LHFPL3: variants seen among roughly 807,000 people sequenced by gnomAD.
LHFPL3 encodes the protein LHFPL tetraspan subfamily member 3, also known as LHFPL tetraspan subfamily member 3 protein.
A neutral mutation model predicts 19.3 loss-of-function variants in LHFPL3; 5 were observed. That is an observed-to-expected ratio of 0.26 (90% confidence interval 0.14 to 0.54). LHFPL3 has a LOEUF of 0.54. Ranked by LOEUF, LHFPL3 falls within the 20% of genes least tolerant of loss-of-function variation. The pLI is 0.94. For synonymous variants in LHFPL3, 133 were observed against 126.2 expected (o/e 1.05, Z -0.36); for missense variants, 249 against 307.4 (o/e 0.81, Z 1.42).
At chr7:104,738,775 GTC>G (rs1468688782) in intron 2 of LHFPL3, 1 of 152,150 alleles carries the variant, frequency 6.6e-6, no homozygotes, top group Non-Finnish European at 1.5e-5. Context: ...ATAGGTTGAT[GTC>G]TGATCCTTTC....
At position 104,549,448 on chromosome 7, in the gene LHFPL3, A is replaced by AACACACACACAC. The variant is rs61148155; in HGVS notation, c.446-187196_446-187185dup. On this transcript the variant is annotated intron_variant, in intron 1 of 2. Transcript: ENST00000424859. ...TCCTTTTGGCACATGCCCTTAACCC[A>AACACACACACAC]ACACACACACACACACACACACACA... is the stretch of plus-strand genomic sequence containing the variant. Among the ~76,000 whole-genome samples the AACACACACACAC allele has an allele frequency of 5.2e-3, 730 of 140,312 alleles. 5 individuals are homozygous for AACACACACACAC. Among genetic ancestry groups the AACACACACACAC allele is most frequent in the South Asian group, 0.016 (63 of 3,886 alleles). The allele number at this position is 140,312 out of a possible 152,430, so 92.1% of individuals were successfully genotyped here.
chr7:104,900,457 C>G (rs1254297133), intron 2 of LHFPL3, among the ~76,000 whole-genome samples: 2 of 152,240 alleles, frequency 1.3e-5, no homozygotes, highest in African/African-American at 2.4e-5. Flanking sequence ...ACAGAATTAT[C>G]AAGGCCTGAC....
intron 1 of LHFPL3, among the ~76,000 whole-genome samples, chr7:104,422,113 C>A (rs955844970): frequency 6.6e-6 from 1 of 152,210 alleles, no homozygotes; most frequent in Non-Finnish European, 1.5e-5. Context: ...GTAATCCCAG[C>A]ACTTTGGGAG....
At chr7:104,670,894 A>G (rs1342430600) in intron 1 of LHFPL3, among the ~76,000 whole-genome samples, 1 of 150,118 alleles carries the variant, frequency 6.7e-6, no homozygotes, top group African/African-American at 2.5e-5. Flanking sequence ...TTCCCTTGAG[A>G]GAATAAACGG....
chr7:104,362,806 G>A (rs1204373377), intron 1 of LHFPL3, among the ~76,000 whole-genome samples: 1 of 152,226 alleles, frequency 6.6e-6, no homozygotes, highest in Non-Finnish European at 1.5e-5. Context: ...GGAGAATGTT[G>A]ATTAGTTGGA....
chr7:104,521,006 C>T (rs1352103498), intron 1 of LHFPL3, among the ~76,000 whole-genome samples: 1 of 151,678 alleles, frequency 6.6e-6, no homozygotes, highest in Non-Finnish European at 1.5e-5. Context: ...AATGTGTTTG[C>T]TCTAGCTTTT....
chr7:104,669,413 A>G, intron 1 of LHFPL3: 2 of 1,613,628 alleles, frequency 1.2e-6, no homozygotes, highest in Non-Finnish European at 1.7e-6. Context: ...CACTGGAAGG[A>G]GTCAGATAGG....
chr7:104,455,397 G>T (rs1206044876), intron 1 of LHFPL3, among the ~76,000 whole-genome samples: 1 of 152,146 alleles, frequency 6.6e-6, no homozygotes, highest in Non-Finnish European at 1.5e-5. Context: ...TATAAAAACA[G>T]GGACTTAGAC....
chr7:104,346,476 A>G (rs1410230349), intron 1 of LHFPL3, among the ~76,000 whole-genome samples: 3 of 152,180 alleles, frequency 2.0e-5, no homozygotes, highest in East Asian at 1.9e-4. Flanking sequence ...ACTTTGTGCC[A>G]TTGCTCAATG....
intron 2 of LHFPL3, chr7:104,895,716 A>C (rs1473399203): frequency 6.6e-6 from 1 of 152,242 alleles, no homozygotes; most frequent in Non-Finnish European, 1.5e-5. Context: ...GAGAGAAGTC[A>C]CAAGAGCTGG....
chr7:104,482,922 G>A (rs1793163742), intron 1 of LHFPL3, among the ~76,000 whole-genome samples: 1 of 152,176 alleles, frequency 6.6e-6, no homozygotes, highest in Non-Finnish European at 1.5e-5. Flanking sequence ...TTTGTTTGTA[G>A]GACAATGTTT....
At chr7:104,711,951 T>C (rs1793306878) in intron 1 of LHFPL3, among the ~76,000 whole-genome samples, 1 of 152,176 alleles carries the variant, frequency 6.6e-6, no homozygotes, top group Non-Finnish European at 1.5e-5. Flanking sequence ...CATTATGTGG[T>C]ATACAGAATA....
chr7:104,531,624 T>TCCCAGGTGTATGACATACA (rs1208830438), intron 1 of LHFPL3, among the ~76,000 whole-genome samples: 3 of 152,150 alleles, frequency 2.0e-5, no homozygotes, highest in Non-Finnish European at 2.9e-5. Flanking sequence ...CAAGAGTTAC[T>TCCCAGGTGTATGACATACA]CCCAGGTGTA....
chr7:104,332,223 C>CTTT lies in LHFPL3; in HGVS notation c.445+3021_445+3023dup, dbSNP rs1183733733. ...TAGAATATAAAATCCTATTTCTTTT[C>CTTT]TTTTTTTTTTTTTTTTTTTTTTTTG... On this transcript the variant is annotated intron_variant, in intron 1 of 2. Transcript: ENST00000424859. Among the ~76,000 whole-genome samples the CTTT allele has an allele frequency of 8.9e-3, 567 of 63,898 alleles. 29 individuals are homozygous for CTTT. Among genetic ancestry groups the CTTT allele is most frequent in the East Asian group, 0.051 (92 of 1,798 alleles). 41.9% of individuals were successfully genotyped at this position (63,898 alleles called of 152,430 possible). A position where few individuals can be genotyped will look rare whatever the true frequency, so the allele number is the denominator to read the frequency against.
At chr7:104,678,124 T>A (rs1011440633) in intron 1 of LHFPL3, among the ~76,000 whole-genome samples, 23 of 152,220 alleles carry the variant, frequency 1.5e-4, no homozygotes, top group African/African-American at 5.5e-4. Flanking sequence ...ATGCATATAA[T>A]TTAGGTGTAT....
At chr7:104,374,778 A>T (rs1291840271) in intron 1 of LHFPL3, among the ~76,000 whole-genome samples, 1 of 152,170 alleles carries the variant, frequency 6.6e-6, no homozygotes, top group African/African-American at 2.4e-5. Context: ...TAGAAGTGTG[A>T]GTTCCTCCAC....
chr7:104,375,869 C>G (rs898869280), intron 1 of LHFPL3, among the ~76,000 whole-genome samples: 2 of 152,160 alleles, frequency 1.3e-5, no homozygotes, highest in African/African-American at 2.4e-5. Context: ...TATTAATGTT[C>G]TATATGAAAC....
At chr7:104,735,522 C>A (rs4355712) in intron 1 of LHFPL3, among the ~76,000 whole-genome samples, 2 of 152,108 alleles carry the variant, frequency 1.3e-5, no homozygotes, top group African/African-American at 2.4e-5. Flanking sequence ...GAGCCAGTTG[C>A]GGGATCTGAT....
chr7:104,414,089 T>C (rs1203688881), intron 1 of LHFPL3, among the ~76,000 whole-genome samples: 1 of 149,736 alleles, frequency 6.7e-6, no homozygotes. Flanking sequence ...TTCCTCATTA[T>C]TTCAGTGAAA....
Sources: allele counts gnomAD v4.1 joint callset (sites outside exome capture counted in the v4.1 genomes callset), GRCh38; gene constraint gnomAD v4.1.1; transcripts MANE v1.5; gene names NCBI Gene and HGNC (gene_info 2026-07-23, HGNC 2026-07-21).